Variants in MYH7B observed in about 807,000 individuals in gnomAD.
MYH7B encodes the protein myosin heavy chain 7B, also known as myosin-7B.
A neutral mutation model predicts 234.5 loss-of-function variants in MYH7B; 205 were observed. That is an observed-to-expected ratio of 0.87 (90% confidence interval 0.78 to 0.98). MYH7B has a LOEUF of 0.98. MYH7B is among the 50% of genes least tolerant of loss of function. The probability of loss-of-function intolerance (pLI) is 0.00; values close to 1 mark genes in which losing one functional copy is unlikely to be tolerated. For synonymous variants in MYH7B, 1,193 were observed against 1,105.0 expected, an observed-to-expected ratio of 1.08 and a Z score of -1.58; for missense variants, 2,652 against 2,633.4, an observed-to-expected ratio of 1.01 and a Z score of -0.15.
chr20:35,000,186 G>T, intron 38 of MYH7B, 107 bp from the exon 39 acceptor site: 2 of 1,330,700 alleles, frequency 1.5e-6, no homozygotes, highest in East Asian at 2.3e-5. Flanking sequence ...TCGGGGAGGG[G>T]TGACTCATTT....
chr20:34,990,238 G>GC lies in MYH7B; in HGVS notation c.1911dup (p.Lys638GlnfsTer9), dbSNP rs1180399264. ...CAGGCCCCTTGTCTCTATTAGCTGA[G>GC]CCCCCCAAGTCTGGGGTGAAAGAGA... On this transcript the variant is annotated frameshift_variant, in exon 22 of 45. Transcript: ENST00000262873. LOFTEE classifies it high-confidence loss of function. The GC allele has an allele frequency of 8.1e-6, 13 of 1,614,112 alleles. No homozygotes were observed. The highest frequency in any genetic ancestry group is 1.1e-5 in the Non-Finnish European group (13 of 1,180,026).
Position 34,984,708 on chromosome 20 carries a change from A to AG in MYH7B, c.642dup (p.Thr215AspfsTer6). 6.2e-7 allele frequency: 1 copy of AG among 1,605,394 alleles called. No individual in the cohort carries two copies. Among genetic ancestry groups the AG allele is most frequent in the Admixed American group, 1.8e-5 (1 of 56,896 alleles). On this transcript the variant is annotated frameshift_variant, in exon 11 of 45. Transcript: ENST00000262873. LOFTEE classifies it high-confidence loss of function. Reference sequence around the variant, plus strand: ...TTCCCCCAGCAATTTCTGGCAACAAAGACGGGGGTGAGTATGGGGCCAATG... The same window carrying AG: ...TTCCCCCAGCAATTTCTGGCAACAAAGGACGGGGGTGAGTATGGGGCCAATG...
chr20:34,993,496 C>T (rs1171995746), intron 26 of MYH7B, 26 bp downstream of exon 26: 1 of 1,551,482 alleles, frequency 6.4e-7, no homozygotes, highest in East Asian at 2.4e-5. Flanking sequence ...AGGCTGGGGA[C>T]AGGGTGTGTC....
At chr20:34,990,892 G>A (rs574358209) in intron 23 of MYH7B, 67 bp downstream of exon 23, 29 of 1,588,912 alleles carry the variant, frequency 1.8e-5, no homozygotes, top group South Asian at 9.9e-5. Context: ...GGCAGAGGCC[G>A]GGAGGCTGAG....
intron 6 of MYH7B, 81 bp from the exon 7 acceptor site, chr20:34,979,580 C>T (rs1463210519): frequency 2.2e-5 from 36 of 1,603,160 alleles, no homozygotes; most frequent in Non-Finnish European, 2.9e-5. Flanking sequence ...TGAAGGGGGT[C>T]TGGGTATGTG....
exon 28 of MYH7B, chr20:34,995,425 T>C (rs2082236696): frequency 1.9e-6 from 3 of 1,613,772 alleles, no homozygotes; most frequent in South Asian, 1.1e-5. Context: ...AGGAGCTGAG[T>C]GAGCGGCTGG....
intron 2 of MYH7B, among the ~76,000 whole-genome samples, chr20:34,963,183 A>G (rs1031283005): frequency 1.3e-5 from 2 of 152,266 alleles, no homozygotes; most frequent in African/African-American, 2.4e-5. Flanking sequence ...GTACATGCTC[A>G]GTACAGTTGA....
chr20:34,998,809 G>A (rs1600472690), exon 35 of MYH7B: 2 of 1,613,388 alleles, frequency 1.2e-6, no homozygotes, highest in East Asian at 4.5e-5. Context: ...TGAGGCCCAG[G>A]CTGAGCTGCA....
intron 2 of MYH7B, 146 bp from the exon 3 acceptor site, chr20:34,975,254 G>T (rs2081837175): frequency 7.1e-6 from 3 of 421,450 alleles, no homozygotes; most frequent in Non-Finnish European, 1.3e-5. Flanking sequence ...TGCCCAGCTG[G>T]AGTGCAATGG....
At chr20:35,000,025 A>C in intron 38 of MYH7B, 119 bp downstream of exon 38, 1 of 1,041,744 alleles carries the variant, frequency 9.6e-7, no homozygotes, top group Non-Finnish European at 1.4e-6. Flanking sequence ...TGCTGTCTCC[A>C]TTCTAGCTGT....
chr20:34,986,199 G>A lies in MYH7B; in HGVS notation c.904+1G>A, dbSNP rs1441993024. On this transcript the variant is annotated splice_donor_variant, in intron 14 of 44. Transcript: ENST00000262873. LOFTEE classifies it high-confidence loss of function. ...TCAGGGAGGAAGCCAGAGCTGCAGG[G>A]TGAGGGGCAGTACGATGAAGGGGGT... 5 of 1,586,764 alleles carry A rather than the reference G, an allele frequency of 3.2e-6. No individual in the cohort carries two copies. Among genetic ancestry groups the A allele is most frequent in the Admixed American group, 1.8e-5 (1 of 56,346 alleles).
chr20:34,994,446 T>C, intron 27 of MYH7B, 45 bp downstream of exon 27: 1 of 1,524,640 alleles, frequency 6.6e-7, no homozygotes, highest in Non-Finnish European at 8.8e-7. Flanking sequence ...CAGCCCCGAG[T>C]ACCCCTGGCT....
At position 35,000,707 on chromosome 20, in the gene MYH7B, T is replaced by C. The variant is rs2082355865; in HGVS notation, c.5178+18T>C. The C allele has an allele frequency of 1.2e-6, 2 of 1,600,732 alleles. No individual in the cohort carries two copies. Among genetic ancestry groups the C allele is most frequent in the Non-Finnish European group, 1.7e-6 (2 of 1,174,124 alleles). On this transcript the variant is annotated intron_variant, in intron 39 of 44. Coordinates refer to ENST00000262873, the Ensembl canonical transcript of MYH7B. ...ATTCGCAGGTGGGGACAGGAGTCCC[T>C]GGGGACAGAGCAGGTGCAGGCCTGC...
At chr20:34,993,755 C>T (rs945012658) in intron 26 of MYH7B, among the ~76,000 whole-genome samples, 2 of 152,236 alleles carry the variant, frequency 1.3e-5, no homozygotes, top group Admixed American at 1.3e-4. Context: ...AGGCAAGATA[C>T]TTTCTCTGCA....
chr20:35,001,360 G>A lies in MYH7B; in HGVS notation c.5580+11G>A. The A allele has an allele frequency of 3.1e-6, 5 of 1,602,062 alleles. No homozygotes were observed. The highest frequency in any genetic ancestry group is 4.3e-6 in the Non-Finnish European group (5 of 1,174,794). ...GAGCTCGCATACCAGGTGGGCGACA[G>A]GGTCTCCCTGGGGAGTGGCCCTGGA... is the stretch of plus-strand genomic sequence containing the variant. On this transcript the variant is annotated intron_variant, in intron 42 of 44. Transcript: ENST00000262873.
At chr20:34,966,721 C>T (rs914692624) in intron 2 of MYH7B, among the ~76,000 whole-genome samples, 1 of 152,050 alleles carries the variant, frequency 6.6e-6, no homozygotes, top group East Asian at 1.9e-4. Context: ...CTATTGCTTA[C>T]AATTGCATGC....
chr20:34,993,252 GC>G, intron 25 of MYH7B, 27 bp downstream of exon 25: 1 of 1,614,030 alleles, frequency 6.2e-7, no homozygotes, highest in African/African-American at 1.3e-5. Context: ...ATCAGGGCTG[GC>G]CATGGCTGTG....
chr20:34,990,310 G>A (rs758633108), exon 22 of MYH7B: 6 of 1,614,178 alleles, frequency 3.7e-6, no homozygotes, highest in South Asian at 3.3e-5. Flanking sequence ...AGCTGCACAA[G>A]GTAAGGCCCC....
At position 34,996,682 on chromosome 20, in the gene MYH7B, G is replaced by A. The variant is rs1569058182; in HGVS notation, c.3190G>A (p.Gly1064Ser). 1.9e-6 allele frequency: 3 copies of A among 1,613,678 alleles called. No individual in the cohort carries two copies. Among genetic ancestry groups the A allele is most frequent in the Non-Finnish European group, 2.5e-6 (3 of 1,180,010 alleles). Reference sequence around the variant, plus strand: ...GGAGCGGGCCAAGCGCAAGCTGGAGGGTGACCTGAAGCTGACGCAGGAGTC... The same window carrying A: ...GGAGCGGGCCAAGCGCAAGCTGGAGAGTGACCTGAAGCTGACGCAGGAGTC... Residue 1064 changes from glycine (G) to serine (S), a missense_variant, in exon 30 of 45, where the codon GGT (glycine) becomes AGT (serine). This residue lies in a region of MYH7B where 2,279 missense variants were observed against 2,211.4 expected (regional missense o/e 1.03). Transcript: ENST00000262873.
Sources: gnomAD v4.1 joint callset for allele counts (sites outside exome capture counted in the v4.1 genomes callset) on GRCh38, gnomAD v4.1.1 for gene constraint, gnomAD v4.1.1 regional missense constraint, MANE v1.5 for transcripts, NCBI Gene and HGNC (gene_info 2026-07-23, HGNC 2026-07-21) for gene names.